The following COL4A1 variants were observed in gnomAD, a reference collection of about 807,000 sequenced individuals.
The protein encoded by COL4A1 is collagen alpha-1(IV) chain.
A neutral mutation model predicts 216.6 loss-of-function variants in COL4A1; 40 were observed. The ratio of observed to expected loss-of-function variants is 0.18; its 90% CI spans 0.14 to 0.24. The LOEUF is 0.24. Among genes scored for constraint, COL4A1 ranks in the 10% least tolerant of loss-of-function variants. The pLI is 1.00. For missense variants in COL4A1, 1,628 were observed against 2,196.8 expected (o/e 0.74, Z 5.18); for synonymous variants, 839 against 810.7 (o/e 1.03, Z -0.59).
chr13:110,217,639 T>A (rs1880153927), intron 2 of COL4A1, among the ~76,000 whole-genome samples: 1 of 152,186 alleles, frequency 6.6e-6, no homozygotes, highest in South Asian at 2.1e-4. Context: ...AACCTTGTGC[T>A]CTCATTCCTG....
chr13:110,215,316 T>C (rs1880015135), intron 2 of COL4A1, among the ~76,000 whole-genome samples: 1 of 152,144 alleles, frequency 6.6e-6, no homozygotes, highest in South Asian at 2.1e-4. Flanking sequence ...TCCCAGCACT[T>C]TGGGAGATAG....
At chr13:110,293,174 T>C (rs528541009) in intron 1 of COL4A1, among the ~76,000 whole-genome samples, 1 of 152,140 alleles carries the variant, frequency 6.6e-6, no homozygotes, top group Non-Finnish European at 1.5e-5. Flanking sequence ...AGCCCTCCCA[T>C]GCAAATTAGC....
At chr13:110,277,186 C>A (rs1279679966) in intron 1 of COL4A1, among the ~76,000 whole-genome samples, 1 of 152,178 alleles carries the variant, frequency 6.6e-6, no homozygotes, top group East Asian at 1.9e-4. Flanking sequence ...TAGTTATATT[C>A]CAGGGCATAA....
chr13:110,216,444 G>C (rs957468052), intron 2 of COL4A1, among the ~76,000 whole-genome samples: 2 of 152,328 alleles, frequency 1.3e-5, no homozygotes, highest in East Asian at 1.9e-4. Context: ...ATATGGACTT[G>C]TGTAGCCCCA....
intron 1 of COL4A1, among the ~76,000 whole-genome samples, chr13:110,271,998 C>T (rs1470002854): frequency 2.0e-5 from 3 of 152,072 alleles, no homozygotes; most frequent in African/African-American, 7.2e-5. Context: ...GGTACACTAC[C>T]CAAAGAATTG....
chr13:110,186,334 C>T (rs766195868), intron 26 of COL4A1, 51 bp downstream of exon 26: 15 of 1,609,940 alleles, frequency 9.3e-6, no homozygotes, highest in Admixed American at 8.3e-5. Flanking sequence ...GGTGCCTGCC[C>T]TAACCTCCGT....
intron 1 of COL4A1, among the ~76,000 whole-genome samples, chr13:110,277,452 T>C (rs532568623): frequency 6.6e-6 from 1 of 152,332 alleles, no homozygotes; most frequent in East Asian, 1.9e-4. Context: ...TAATCCCTCC[T>C]GCAAAGGTAC....
chr13:110,219,705 TAC>T (rs71127920), intron 2 of COL4A1, among the ~76,000 whole-genome samples: 81 of 82,760 alleles, frequency 9.8e-4, no homozygotes, highest in Middle Eastern at 8.1e-3. Flanking sequence ...TATATGTATA[TAC>T]ATATGTGTAT....
intron 1 of COL4A1, among the ~76,000 whole-genome samples, chr13:110,251,506 G>A (rs1476077168): frequency 2.0e-5 from 3 of 152,252 alleles, no homozygotes; most frequent in African/African-American, 7.2e-5. Context: ...ACCCCCCAGT[G>A]CTAAGAATAC....
At chr13:110,247,790 C>CGTGTGTGTGTGTGT (rs56086913) in intron 1 of COL4A1, among the ~76,000 whole-genome samples, 3 of 57,756 alleles carry the variant, frequency 5.2e-5, no homozygotes, top group South Asian at 7.6e-4. Context: ...CTATGCTACT[C>CGTGTGTGTGTGTGT]GTGTGTGTGT....
intron 1 of COL4A1, among the ~76,000 whole-genome samples, chr13:110,250,377 C>T (rs182172654): frequency 2.5e-4 from 38 of 152,254 alleles, no homozygotes; most frequent in African/African-American, 8.9e-4. Context: ...AAACCACACG[C>T]CTTGAGGAAA....
intron 26 of COL4A1, among the ~76,000 whole-genome samples, chr13:110,183,960 G>C (rs535597753): frequency 6.6e-6 from 1 of 152,162 alleles, no homozygotes; most frequent in Non-Finnish European, 1.5e-5. Context: ...CGTACACCTC[G>C]TAAGAGTTCA....
chr13:110,152,311 A>G, intron 51 of COL4A1, 23 bp downstream of exon 51: 1 of 1,613,814 alleles, frequency 6.2e-7, no homozygotes, highest in South Asian at 1.1e-5. Context: ...AGCAGCCTGC[A>G]AAAAAGCAGT....
intron 22 of COL4A1, among the ~76,000 whole-genome samples, chr13:110,194,708 G>A (rs1481352393): frequency 1.3e-5 from 2 of 152,186 alleles, no homozygotes; most frequent in African/African-American, 4.8e-5. Flanking sequence ...TGAATGGAAA[G>A]ATTGCGGTAA....
In COL4A1 at chr13:110,211,561, G is replaced by T; in HGVS notation, c.468+86C>A. 1 of 1,338,856 alleles carries T rather than the reference G, an allele frequency of 7.5e-7. No individual in the cohort carries two copies. The highest frequency in any genetic ancestry group is 1.0e-6 in the Non-Finnish European group (1 of 953,990). The allele number at this position is 1,338,856 out of a possible 1,614,324, so 82.9% of individuals were successfully genotyped here. A position where few individuals can be genotyped will look rare whatever the true frequency, so the allele number is the denominator to read the frequency against. ...CAGAAACAATCGATCAGCCAAAGTG[G>T]TTTAAAGAGAATGTGCTTCTATGGC... is the stretch of plus-strand genomic sequence containing the variant. On this transcript the variant is annotated intron_variant, in intron 8 of 51. Transcript: ENST00000375820. This position sits in a 1 kb window ranked among gnomAD's most constrained non-coding sequence, Gnocchi z 4.3.
intron 2 of COL4A1, among the ~76,000 whole-genome samples, chr13:110,216,675 A>G (rs1471004717): frequency 6.6e-6 from 1 of 152,176 alleles, no homozygotes; most frequent in Non-Finnish European, 1.5e-5. Context: ...AGTCAGCACT[A>G]CAGCCAGAAA....
intron 18 of COL4A1, 66 bp from the exon 19 acceptor site, chr13:110,201,588 A>T: frequency 1.6e-6 from 2 of 1,279,802 alleles, no homozygotes; most frequent in Non-Finnish European, 2.3e-6. Context: ...ATAGTAAAGC[A>T]GTATGAGTGA....
At chr13:110,181,662 A>G (rs1260731014) in intron 28 of COL4A1, among the ~76,000 whole-genome samples, 2 of 150,174 alleles carry the variant, frequency 1.3e-5, no homozygotes, top group Non-Finnish European at 3.0e-5. Context: ...TTCCCATCCT[A>G]CTCTCCCCAA....
At chr13:110,214,618 T>A (rs1233142517) in intron 2 of COL4A1, among the ~76,000 whole-genome samples, 1 of 152,176 alleles carries the variant, frequency 6.6e-6, no homozygotes, top group Non-Finnish European at 1.5e-5. Context: ...CTCTCTCTTC[T>A]GGAGCTGGGC....
Sources: gnomAD v4.1 joint callset for allele counts (sites outside exome capture counted in the v4.1 genomes callset) on GRCh38, gnomAD v4.1.1 for gene constraint, Gnocchi (gnomAD v3.1) non-coding constraint, MANE v1.5 for transcripts, NCBI Gene and HGNC (gene_info 2026-07-23, HGNC 2026-07-21) for gene names.